The following RBPJ variants were observed in gnomAD, a reference collection of about 807,000 sequenced individuals.
RBPJ encodes the protein recombination signal binding protein for immunoglobulin kappa J region, also known as recombining binding protein suppressor of hairless.
RBPJ carries 9 observed loss-of-function variants against 67.8 expected under a neutral mutation model. That is an observed-to-expected ratio of 0.13 (90% CI 0.08 to 0.23). The LOEUF is 0.23. Ranked by LOEUF, RBPJ falls within the 10% of genes least tolerant of loss-of-function variation. RBPJ has a pLI of 1.00. For missense variants in RBPJ, 305 were observed against 595.6 expected (o/e 0.51, Z 5.08); for synonymous variants, 198 against 203.3 (o/e 0.97, Z 0.22).
At chr4:26,285,381 C>T (rs1034187216) in intron 1 of RBPJ, among the ~76,000 whole-genome samples, 6 of 151,412 alleles carry the variant, frequency 4.0e-5, no homozygotes, top group African/African-American at 1.5e-4. Flanking sequence ...AAAACACAGC[C>T]GCTTCAAACA....
chr4:26,113,393 G>C, the RBPJ span: 1 of 541,306 alleles, frequency 1.8e-6, no homozygotes, highest in Non-Finnish European at 3.6e-6. Context: ...AACACACACA[G>C]GAGAGAAACC....
intron 1 of RBPJ, among the ~76,000 whole-genome samples, chr4:26,289,399 A>AAAAAAAAAG (rs1721590881): frequency 6.7e-6 from 1 of 149,172 alleles, no homozygotes; most frequent in African/African-American, 2.5e-5. Context: ...AAAAAAAAAA[A>AAAAAAAAAG]AAAAAAAAGA....
the RBPJ span, among the ~76,000 whole-genome samples, chr4:26,128,801 GT>G: frequency 1.5e-4 from 23 of 152,224 alleles, no homozygotes; most frequent in South Asian, 4.4e-3. Context: ...CATGGGGGTG[GT>G]TTCCCCCATA....
intron 1 of RBPJ, among the ~76,000 whole-genome samples, chr4:26,217,891 C>T (rs1018875939): frequency 5.9e-5 from 9 of 152,110 alleles, no homozygotes; most frequent in Admixed American, 2.0e-4. Context: ...TACAGGGCTT[C>T]GCAAGTGCCA....
At chr4:26,210,735 A>ACTTCTTTACTTCTTTT (rs1560212134) in intron 1 of RBPJ, among the ~76,000 whole-genome samples, 1 of 48,958 alleles carries the variant, frequency 2.0e-5, no homozygotes, top group Non-Finnish European at 3.9e-5. Context: ...TTCCTTCTTT[A>ACTTCTTTACTTCTTTT]CTTCTTTCCT....
chr4:26,282,924 CTTT>C (rs67501530), intron 1 of RBPJ, among the ~76,000 whole-genome samples: 217 of 61,652 alleles, frequency 3.5e-3, no homozygotes, highest in Non-Finnish European at 4.7e-3. Context: ...AGTGTAGATT[CTTT>C]TTTTTTTTTT....
chr4:26,335,869 C>T (rs1269731062), intron 1 of RBPJ, among the ~76,000 whole-genome samples: 8 of 151,822 alleles, frequency 5.3e-5, no homozygotes, highest in South Asian at 2.1e-4. Context: ...GTGATCCACC[C>T]GCCTCGGCCT....
chr4:26,320,015 G>C (rs571622771), upstream of RBPJ: 3 of 758,666 alleles, frequency 4.0e-6, no homozygotes, highest in African/African-American at 5.3e-5. Flanking sequence ...CAGCGTCCTC[G>C]GCTGTGCCAG....
intron 1 of RBPJ, chr4:26,343,218 G>C (rs901445481): frequency 1.3e-5 from 2 of 152,174 alleles, no homozygotes; most frequent in East Asian, 3.8e-4. Context: ...GAGAGTTTCT[G>C]TTCTGGTAAT....
chr4:26,355,175 C>A (rs544795415), intron 1 of RBPJ, among the ~76,000 whole-genome samples: 1 of 152,256 alleles, frequency 6.6e-6, no homozygotes, highest in South Asian at 2.1e-4. Context: ...CTGCCCACCT[C>A]CCCCTAATCC....
chr4:26,196,008 G>GAA (rs756689365), intron 1 of RBPJ, among the ~76,000 whole-genome samples: 95 of 152,212 alleles, frequency 6.2e-4, no homozygotes, highest in Non-Finnish European at 9.6e-4. Context: ...AGAGAGAAGA[G>GAA]AGAAAAGAGA....
In RBPJ at chr4:26,367,344, C is replaced by T. The variant is rs117992952; in HGVS notation, c.21-19009C>T. ...TAGAAATCCAAAAATTAACCAGATGCAGTTAATCTCAACTACTTGGGAGGC... is the reference window on the plus strand; with the variant it reads ...TAGAAATCCAAAAATTAACCAGATGTAGTTAATCTCAACTACTTGGGAGGC... On this transcript the variant is annotated intron_variant, in intron 1 of 10. Transcript: ENST00000355476. Among the ~76,000 whole-genome samples the T allele has an allele frequency of 9.9e-5, 15 of 151,966 alleles. No individual in the cohort carries two copies. The East Asian group carries it at 2.9e-3, about 29-fold the overall frequency.
At chr4:26,404,886 A>G (rs1460807136) in intron 2 of RBPJ, among the ~76,000 whole-genome samples, 1 of 152,178 alleles carries the variant, frequency 6.6e-6, no homozygotes, top group Non-Finnish European at 1.5e-5. Flanking sequence ...TTTTCCCAGC[A>G]TGTAGTCCTT....
intron 1 of RBPJ, among the ~76,000 whole-genome samples, chr4:26,170,884 T>C (rs1188609961): frequency 6.6e-6 from 1 of 152,220 alleles, no homozygotes; most frequent in African/African-American, 2.4e-5. Context: ...TTTTTCCATC[T>C]CTAAACTGAG....
In RBPJ at chr4:26,366,732, T is replaced by C. The variant is rs545713093; in HGVS notation, c.21-19621T>C. ...ACCGCCCCCAGTCTGTCTTGGTAAA[T>C]ATTTAAAGGTTCATACATAGGAAAT... On this transcript the variant is annotated intron_variant, in intron 1 of 10. Transcript: ENST00000355476. 5.9e-5 allele frequency among the ~76,000 whole-genome samples: 9 copies of C among 152,036 alleles called. No homozygotes were observed. In the East Asian group the frequency reaches 1.7e-3, roughly 29 times the overall value.
At chr4:26,199,168 G>T (rs139776375) in intron 1 of RBPJ, among the ~76,000 whole-genome samples, 1 of 152,146 alleles carries the variant, frequency 6.6e-6, no homozygotes, top group Non-Finnish European at 1.5e-5. Flanking sequence ...GCCCTTGGCC[G>T]GACACGGTGG....
intron 1 of RBPJ, among the ~76,000 whole-genome samples, chr4:26,212,432 CTTTTTTT>C (rs370447105): frequency 8.9e-6 from 1 of 112,218 alleles, no homozygotes; most frequent in Non-Finnish European, 1.8e-5. Context: ...CTTTTCTTTT[CTTTTTTT>C]TTTTTTTTTT....
In RBPJ at chr4:26,419,048, G is replaced by A. The variant is rs76190520; in HGVS notation, c.322-1503G>A. Among the ~76,000 whole-genome samples, 766 of 152,164 alleles carry A rather than the reference G, an allele frequency of 5.0e-3. 10 individuals carry two copies. The highest frequency in any genetic ancestry group is 0.018 in the African/African-American group (743 of 41,520). The stretch of plus-strand genomic sequence containing the variant: ...GGCTGGAGTGCGGTGGTGGGATCAC[G>A]GCCCATTACAACCTCTGCCTCCTGG... On this transcript the variant is annotated intron_variant, in intron 4 of 10. Coordinates refer to ENST00000355476, the MANE Select transcript of RBPJ (RefSeq NM_015874.6).
chr4:26,421,567 T>C (rs2109808394), intron 5 of RBPJ, among the ~76,000 whole-genome samples: 1 of 152,246 alleles, frequency 6.6e-6, no homozygotes, highest in Non-Finnish European at 1.5e-5. Flanking sequence ...CCTCCCAAAG[T>C]GTTGGGATTG....
Sources: allele counts gnomAD v4.1 joint callset (sites outside exome capture counted in the v4.1 genomes callset), GRCh38; gene constraint gnomAD v4.1.1; transcripts MANE v1.5; gene names NCBI Gene and HGNC (gene_info 2026-07-23, HGNC 2026-07-21).